Variants in PI4KB observed in about 807,000 individuals in gnomAD.
PI4KB encodes PtdIns 4-kinase beta.
In PI4KB, 23 loss-of-function variants were observed where a neutral mutation model predicts 81.4. The observed-to-expected ratio is 0.28, with a 90% CI of 0.20 to 0.40. PI4KB has a LOEUF of 0.40. PI4KB is among the 10% of genes least tolerant of loss of function. The probability of loss-of-function intolerance (pLI) is 1.00; values close to 1 mark genes in which losing one functional copy is unlikely to be tolerated. For missense variants in PI4KB, 651 were observed against 1,036.6 expected, an observed-to-expected ratio of 0.63 and a Z score of 5.11; for synonymous variants, 381 against 406.8, an observed-to-expected ratio of 0.94 and a Z score of 0.76.
Position 151,292,804 on chromosome 1 carries a change from T to TTGTCC in PI4KB, c.*47_*48insGGACA. 1 of 1,574,998 alleles carries TTGTCC rather than the reference T, an allele frequency of 6.3e-7. No homozygotes were observed. The highest frequency in any genetic ancestry group is 1.1e-5 in the South Asian group (1 of 89,054). On this transcript the variant is annotated 3_prime_UTR_variant, in exon 12 of 12. Transcript: ENST00000368873. ...TGGGGTTTCTCAGACAAGGGCCCTCTAGGGAGGGTGCCCTGGACCCCCCAC... is the reference window on the plus strand; with the variant it reads ...TGGGGTTTCTCAGACAAGGGCCCTCTTGTCCAGGGAGGGTGCCCTGGACCCCCCAC...
intron 5 of PI4KB, among the ~76,000 whole-genome samples, chr1:151,304,221 C>G (rs908134264): frequency 6.6e-6 from 1 of 152,176 alleles, no homozygotes; most frequent in African/African-American, 2.4e-5. Flanking sequence ...CATTTGTCAC[C>G]TAGTACACAC....
In PI4KB at chr1:151,308,156, G is replaced by A. The variant is rs587657832; in HGVS notation, c.955-355C>T. On this transcript the variant is annotated intron_variant, in intron 3 of 11. Transcript: ENST00000368873. ...AGGTTAGCCAGGGCCACAGAGAGAAGAGCTGCTTACACCTGAATTGTTTCA... is the reference window on the plus strand; with the variant it reads ...AGGTTAGCCAGGGCCACAGAGAGAAAAGCTGCTTACACCTGAATTGTTTCA... 7.9e-5 allele frequency among the ~76,000 whole-genome samples: 12 copies of A among 152,320 alleles called. No individual in the cohort carries two copies. In the South Asian group the frequency reaches 2.5e-3, roughly 32 times the overall value.
chr1:151,294,456 G>T lies in PI4KB; in HGVS notation c.2101C>A (p.Leu701Met), dbSNP rs775283031. ...GFILSSSPRN[L>M]GFETSAFKLT... is the part of the protein sequence containing the mutation. The stretch of plus-strand genomic sequence containing the variant: ...TTAAAGGCTGACGTCTCAAAGCCCA[G>T]ATTTCGGGGTGAGCTGGAGAGGATG... Residue 701 changes from leucine to methionine, a missense_variant, in exon 10 of 12, where the codon CTG becomes ATG. Coordinates refer to ENST00000368873, the MANE Select transcript of PI4KB (RefSeq NM_001369623.2). The T allele has an allele frequency of 6.2e-7, 1 of 1,613,996 alleles. No homozygotes were observed. Among genetic ancestry groups the T allele is most frequent in the Non-Finnish European group, 8.5e-7 (1 of 1,180,020 alleles).
At chr1:151,302,919 C>T (rs966428047) in intron 6 of PI4KB, among the ~76,000 whole-genome samples, 2 of 151,756 alleles carry the variant, frequency 1.3e-5, no homozygotes, top group African/African-American at 2.4e-5. Flanking sequence ...CCTTCCTCCC[C>T]CTGGATTCTG....
rs1452015561 is a variant in PI4KB at position 151,307,648 on chromosome 1, G to A, written c.1108C>T (p.Pro370Ser). ...ACGTGGTGGTCAAAGCCAGCAGTGG[G>A]CAGCCAGACTCGGGCAGGGAGCTTA... ...NHKLPARVWL[P>S]TAGFDHHVVR... Residue 370 changes from proline (P) to serine (S), a missense_variant, in exon 4 of 12, where the codon CCC becomes TCC. This residue lies in a region of PI4KB where 246 missense variants were observed against 430.1 expected (regional missense o/e 0.57). Transcript: ENST00000368873. The A allele has an allele frequency of 6.2e-7, 1 of 1,614,086 alleles. No individual in the cohort carries two copies. The highest frequency in any genetic ancestry group is 1.3e-5 in the African/African-American group (1 of 74,932).
intron 9 of PI4KB, among the ~76,000 whole-genome samples, chr1:151,294,968 T>C (rs1238915209): frequency 6.6e-6 from 1 of 152,160 alleles, no homozygotes; most frequent in Non-Finnish European, 1.5e-5. Context: ...TGTGGGTTAT[T>C]TGTAACTCCT....
At chr1:151,321,044 T>A (rs1165865108) in intron 1 of PI4KB, among the ~76,000 whole-genome samples, 3 of 152,232 alleles carry the variant, frequency 2.0e-5, no homozygotes, top group Admixed American at 6.5e-5. Context: ...AAGGATACTA[T>A]CACCTCTTTT....
rs1649811604 is a variant in PI4KB at position 151,327,362 on chromosome 1, T to C, written c.-120A>G. On this transcript the variant is annotated 5_prime_UTR_variant, in exon 1 of 12. The change abolishes an upstream ATG in the 5' untranslated region. Transcript: ENST00000368873. ...CAGCAGCGACCGCTCCCGGGTTCCA[T>C]TGGCCGCCTGCGCTTCCCTGACAGC... The C allele has an allele frequency of 5.0e-6, 2 of 396,914 alleles. No homozygotes were observed. The highest frequency in any genetic ancestry group is 8.9e-6 in the Non-Finnish European group (2 of 225,684). 24.6% of individuals were successfully genotyped at this position (396,914 alleles called of 1,614,324 possible).
At chr1:151,318,432 G>C (rs1232637177) in intron 1 of PI4KB, among the ~76,000 whole-genome samples, 1 of 147,556 alleles carries the variant, frequency 6.8e-6, no homozygotes, top group Admixed American at 6.8e-5. Context: ...AAAAAAAAAG[G>C]CCGGGCGCGG....
At chr1:151,322,576 T>C (rs945712298) in intron 1 of PI4KB, among the ~76,000 whole-genome samples, 1 of 152,154 alleles carries the variant, frequency 6.6e-6, no homozygotes, top group Non-Finnish European at 1.5e-5. Flanking sequence ...TAAATATGGA[T>C]TGGTTTGCAC....
chr1:151,310,933 C>T (rs1696168525), intron 2 of PI4KB, among the ~76,000 whole-genome samples: 1 of 152,168 alleles, frequency 6.6e-6, no homozygotes, highest in Non-Finnish European at 1.5e-5. Flanking sequence ...TCTACCAAAC[C>T]TCCTTAGGCT....
In PI4KB at chr1:151,316,441, G is replaced by C; in HGVS notation, c.41C>G (p.Thr14Ser). ...TVVEPAPLKP[T>S]SEPTSGPPGN... Reference sequence around the variant, plus strand: ...TGGTGGGCCAGAAGTGGGCTCAGAAGTTGGCTTCAAGGGGGCAGGCTCCAC... The same window carrying C: ...TGGTGGGCCAGAAGTGGGCTCAGAACTTGGCTTCAAGGGGGCAGGCTCCAC... The change falls in exon 2 of 12, where the codon ACT becomes AGT. Residue 14 changes from threonine (T) to serine (S), a missense_variant. Physicochemically the swap from Thr to Ser is moderately conservative, Grantham distance 58 (BLOSUM62 1). Coordinates refer to ENST00000368873, the MANE Select transcript of PI4KB (RefSeq NM_001369623.2). 6.4e-7 allele frequency: 1 copy of C among 1,566,246 alleles called. No homozygotes were observed. Among genetic ancestry groups the C allele is most frequent in the Non-Finnish European group, 8.6e-7 (1 of 1,157,382 alleles).
chr1:151,298,102 A>C (rs587661742), intron 9 of PI4KB, among the ~76,000 whole-genome samples: 1 of 152,340 alleles, frequency 6.6e-6, no homozygotes, highest in African/African-American at 2.4e-5. Flanking sequence ...ATATTGAAAA[A>C]AAATGACAGC....
intron 5 of PI4KB, among the ~76,000 whole-genome samples, chr1:151,304,987 G>A (rs1454058089): frequency 3.3e-5 from 5 of 151,868 alleles, no homozygotes; most frequent in African/African-American, 4.8e-5. Flanking sequence ...ATGCCACCAC[G>A]CCCGGCTAAT....
At chr1:151,318,431 G>C (rs902804069) in intron 1 of PI4KB, among the ~76,000 whole-genome samples, 1 of 134,538 alleles carries the variant, frequency 7.4e-6, no homozygotes, top group Non-Finnish European at 1.6e-5. Flanking sequence ...AAAAAAAAAA[G>C]GCCGGGCGCG....
chr1:151,316,547 G>T, intron 1 of PI4KB, 38 bp from the exon 2 acceptor site: 2 of 1,440,908 alleles, frequency 1.4e-6, no homozygotes, highest in South Asian at 1.4e-5. Context: ...CAGAAAGGGA[G>T]ACACATACAC....
At chr1:151,300,862 A>C (rs1410964712) in intron 8 of PI4KB, 1 of 152,308 alleles carries the variant, frequency 6.6e-6, no homozygotes, top group Non-Finnish European at 1.5e-5. Flanking sequence ...CGGACACCCA[A>C]TTGGCATAGT....
At position 151,316,228 on chromosome 1, in the gene PI4KB, C is replaced by G; in HGVS notation, c.254G>C (p.Ser85Thr). 6.2e-7 allele frequency: 1 copy of G among 1,614,222 alleles called. No homozygotes were observed. The highest frequency in any genetic ancestry group is 8.5e-7 in the Non-Finnish European group (1 of 1,180,054). Residue 85 changes from serine (S) to threonine (T), a missense_variant, in exon 2 of 12, where the codon AGT (serine) becomes ACT (threonine). By Grantham distance (58) the Ser-to-Thr change is moderately conservative (BLOSUM62 1). Coordinates refer to ENST00000368873, the MANE Select transcript of PI4KB (RefSeq NM_001369623.2). ...TGGATCATCTAGGCAACGGATCTCA[C>G]TGTCCACACCATCCCCATTGACCAA... Reference protein sequence around the residue: ...LELVNGDGVDSEIRCLDDPPA... With the variant: ...LELVNGDGVDTEIRCLDDPPA...
chr1:151,302,650 T>C (rs1695390471), intron 6 of PI4KB, among the ~76,000 whole-genome samples: 1 of 150,460 alleles, frequency 6.6e-6, no homozygotes, highest in African/African-American at 2.4e-5. Flanking sequence ...AGATCTCGGC[T>C]CACTGCAAGC....
Sources: gnomAD v4.1 joint callset for allele counts (sites outside exome capture counted in the v4.1 genomes callset) on GRCh38, gnomAD v4.1.1 for gene constraint, gnomAD v4.1.1 regional missense constraint, MANE v1.5 for transcripts, NCBI Gene and HGNC (gene_info 2026-07-23, HGNC 2026-07-21) for gene names.